Variants in ZFAND6 observed in about 807,000 individuals in gnomAD.
ZFAND6 encodes zinc finger AN1-type containing 6.
ZFAND6 carries 12 observed loss-of-function variants against 24.5 expected under a neutral mutation model. The observed-to-expected ratio is 0.49, with a 90% CI of 0.31 to 0.79. The LOEUF (loss-of-function observed/expected upper bound fraction) is 0.79. Ranked by LOEUF, ZFAND6 falls within the 30% of genes least tolerant of loss-of-function variation. The pLI is 0.04. For missense variants in ZFAND6, 207 were observed against 245.9 expected (o/e 0.84, Z 1.06); for synonymous variants, 92 against 81.5 (o/e 1.13, Z -0.69).
At chr15:80,071,281 A>G (rs577278552) in intron 1 of ZFAND6, among the ~76,000 whole-genome samples, 166 of 152,310 alleles carry the variant, frequency 1.1e-3, no homozygotes, top group African/African-American at 3.9e-3. Context: ...AAATGTTTAA[A>G]GGTTTTGTCA....
intron 2 of ZFAND6, among the ~76,000 whole-genome samples, chr15:80,101,196 CT>C (rs2141943458): frequency 1.3e-5 from 2 of 152,318 alleles, no homozygotes; most frequent in South Asian, 4.1e-4. Flanking sequence ...GGCGTGGTGG[CT>C]CACGCCTGTA....
At chr15:80,061,505 T>G (rs1225632262) in intron 1 of ZFAND6, among the ~76,000 whole-genome samples, 1 of 152,230 alleles carries the variant, frequency 6.6e-6, no homozygotes, top group African/African-American at 2.4e-5. Context: ...GAGTTTCTTA[T>G]CTGTGCAGTG....
rs1313764098 is a variant in ZFAND6, at chr15:80,085,840, CTG to C, written c.-180-12573_-180-12572del. On this transcript the variant is annotated intron_variant, in intron 1 of 6. Coordinates refer to ENST00000261749, the MANE Select transcript of ZFAND6 (RefSeq NM_019006.4). ...TGGTCAGTGATGGACTGCATATAGA[CTG>C]TGGTCATGTGTGTTTATAATACTGT... Among the ~76,000 whole-genome samples, 4 of 152,138 alleles carry C rather than the reference CTG, an allele frequency of 2.6e-5. No homozygotes were observed. In the East Asian group the frequency reaches 7.7e-4, roughly 29 times the overall value.
At chr15:80,080,472 TAGTA>T (rs1596213590) in intron 1 of ZFAND6, among the ~76,000 whole-genome samples, 4 of 152,222 alleles carry the variant, frequency 2.6e-5, no homozygotes, top group Admixed American at 2.6e-4. Flanking sequence ...AAATTAGACA[TAGTA>T]AGACATTAAC....
intron 1 of ZFAND6, among the ~76,000 whole-genome samples, chr15:80,065,453 C>G (rs1368178871): frequency 2.0e-5 from 3 of 151,636 alleles, no homozygotes; most frequent in Non-Finnish European, 4.4e-5. Flanking sequence ...GTCTCCCCCC[C>G]ATCCCCCTTT....
intron 6 of ZFAND6, among the ~76,000 whole-genome samples, chr15:80,134,187 G>A (rs1236695081): frequency 6.6e-6 from 1 of 151,840 alleles, no homozygotes; most frequent in African/African-American, 2.4e-5. Flanking sequence ...ACGGGGTTTC[G>A]CCCTGTTGGC....
At chr15:80,134,567 A>G (rs2040769558) in intron 6 of ZFAND6, among the ~76,000 whole-genome samples, 1 of 152,254 alleles carries the variant, frequency 6.6e-6, no homozygotes, top group Non-Finnish European at 1.5e-5. Flanking sequence ...AGCCTGAAAC[A>G]ACAAATTTTT....
chr15:80,083,874 G>T (rs888931516), intron 1 of ZFAND6, among the ~76,000 whole-genome samples: 3 of 152,172 alleles, frequency 2.0e-5, no homozygotes, highest in South Asian at 2.1e-4. Flanking sequence ...AAGCATGGAA[G>T]TTGAGAGCTT....
At chr15:80,070,763 T>G (rs1266963475) in intron 1 of ZFAND6, among the ~76,000 whole-genome samples, 1 of 152,258 alleles carries the variant, frequency 6.6e-6, no homozygotes, top group East Asian at 1.9e-4. Flanking sequence ...TTACTAATTT[T>G]ATGCTTGCCA....
chr15:80,121,213 C>G (rs938801182), intron 3 of ZFAND6, among the ~76,000 whole-genome samples: 2 of 152,224 alleles, frequency 1.3e-5, no homozygotes, highest in East Asian at 1.9e-4. Flanking sequence ...GAGATCTTGT[C>G]TGTTTTTGTT....
chr15:80,089,259 G>GTGT (rs1339204666), intron 1 of ZFAND6, among the ~76,000 whole-genome samples: 14 of 61,112 alleles, frequency 2.3e-4, no homozygotes, highest in African/African-American at 9.5e-4. Context: ...GAGTGTGTGT[G>GTGT]TTTTTTTTTT....
intron 6 of ZFAND6, among the ~76,000 whole-genome samples, chr15:80,133,591 C>T (rs1213943198): frequency 6.6e-6 from 1 of 152,090 alleles, no homozygotes; most frequent in African/African-American, 2.4e-5. Flanking sequence ...TCCCAAACTA[C>T]ATTAAGAAAG....
chr15:80,108,573 C>T (rs527636816), intron 2 of ZFAND6, among the ~76,000 whole-genome samples: 3 of 152,172 alleles, frequency 2.0e-5, no homozygotes, highest in African/African-American at 7.2e-5. Flanking sequence ...AAACCTAGGT[C>T]AGTTTGAGAA....
intron 6 of ZFAND6, among the ~76,000 whole-genome samples, chr15:80,132,318 A>G (rs1430225020): frequency 6.6e-6 from 1 of 152,242 alleles, no homozygotes; most frequent in Non-Finnish European, 1.5e-5. Context: ...ACATGTGTAG[A>G]TACTTGTGTA....
chr15:80,074,459 G>A (rs925636442), intron 1 of ZFAND6, among the ~76,000 whole-genome samples: 2 of 151,770 alleles, frequency 1.3e-5, no homozygotes, highest in African/African-American at 4.8e-5. Context: ...GGAGACTGGA[G>A]TAGTGCCAGT....
chr15:80,137,702 A>G lies in ZFAND6; in HGVS notation c.*74A>G. On this transcript the variant is annotated 3_prime_UTR_variant, in exon 7 of 7. Transcript: ENST00000261749. ...ACTTGAGGTTTTTTTTTTCCTAGTC[A>G]TTGGGAATGTAGAGCAGTGTATCTT... 1 of 1,449,924 alleles carries G rather than the reference A, an allele frequency of 6.9e-7. No homozygotes were observed. Among genetic ancestry groups the G allele is most frequent in the Middle Eastern group, 2.6e-4 (1 of 3,900 alleles). 89.8% of individuals were successfully genotyped at this position (1,449,924 alleles called of 1,614,324 possible).
At chr15:80,107,976 A>G (rs1199965153) in intron 2 of ZFAND6, among the ~76,000 whole-genome samples, 1 of 152,156 alleles carries the variant, frequency 6.6e-6, no homozygotes, top group South Asian at 2.1e-4. Context: ...ACTCCAGCCA[A>G]CTGCTTGGGT....
chr15:80,104,553 A>ATCCG (rs2039217062), intron 2 of ZFAND6, among the ~76,000 whole-genome samples: 1 of 152,142 alleles, frequency 6.6e-6, no homozygotes. Context: ...CCATCCATCC[A>ATCCG]TCCATCCATC....
intron 1 of ZFAND6, among the ~76,000 whole-genome samples, chr15:80,094,367 G>C (rs187260812): frequency 2.2e-3 from 337 of 152,236 alleles, no homozygotes; most frequent in Non-Finnish European, 3.2e-3. Flanking sequence ...ACCCTCTTGA[G>C]AACTGCTCAT....
Sources: gnomAD v4.1 joint callset for allele counts (sites outside exome capture counted in the v4.1 genomes callset) on GRCh38, gnomAD v4.1.1 for gene constraint, MANE v1.5 for transcripts, NCBI Gene and HGNC (gene_info 2026-07-23, HGNC 2026-07-21) for gene names.